The following MTUS2 variants were observed in gnomAD, a reference collection of about 807,000 sequenced individuals.
MTUS2 encodes the protein microtubule-associated tumor suppressor candidate 2.
Under a neutral mutation model 114.1 loss-of-function variants are expected in MTUS2, and 40 were observed. The observed-to-expected ratio is 0.35, with a 90% CI of 0.27 to 0.46. The LOEUF is 0.46. MTUS2 is among the 20% of genes least tolerant of loss of function. The probability of loss-of-function intolerance (pLI) is 1.00; values close to 1 mark genes in which losing one functional copy is unlikely to be tolerated. For missense variants in MTUS2, 1,679 were observed against 1,705.4 expected, an observed-to-expected ratio of 0.98 and a Z score of 0.27; for synonymous variants, 688 against 672.0, an observed-to-expected ratio of 1.02 and a Z score of -0.37.
At chr13:29,204,494 C>G (rs1450527644) in intron 5 of MTUS2, among the ~76,000 whole-genome samples, 8 of 152,218 alleles carry the variant, frequency 5.3e-5, no homozygotes, top group African/African-American at 1.9e-4. Flanking sequence ...GGGACCATCT[C>G]TCTCTGGATA....
intron 6 of MTUS2, chr13:29,306,700 A>G (rs1327932542): frequency 1.1e-5 from 3 of 264,996 alleles, no homozygotes; most frequent in East Asian, 9.5e-5. Flanking sequence ...TATCATGAAA[A>G]TGGTCGGCTC....
rs1317321912 is a variant in MTUS2 at position 29,501,151 on chromosome 13, G to A, written c.3853G>A (p.Glu1285Lys). 9 of 1,614,152 alleles carry A rather than the reference G, an allele frequency of 5.6e-6. No individual in the cohort carries two copies. Among genetic ancestry groups the A allele is most frequent in the Non-Finnish European group, 7.6e-6 (9 of 1,180,008 alleles). The change falls in exon 15 of 16, where the codon GAA becomes AAA. Residue 1285 changes from glutamate to lysine, a missense_variant. Coordinates refer to ENST00000612955, the MANE Select transcript of MTUS2 (RefSeq NM_001033602.4). The part of the protein sequence containing the change: ...EKIQVLQQQN[E>K]DLKARIDQNT... ...GATCCAGGTTCTCCAACAGCAGAAC[G>A]AAGACCTCAAAGCAAGGATTGACCA...
intron 5 of MTUS2, among the ~76,000 whole-genome samples, chr13:29,149,603 G>C (rs1242359746): frequency 6.6e-6 from 1 of 152,132 alleles, no homozygotes; most frequent in Admixed American, 6.6e-5. Flanking sequence ...CCATGCCTAT[G>C]TCCTGAATGG....
At chr13:28,936,591 A>C (rs1183195379) in intron 2 of MTUS2, among the ~76,000 whole-genome samples, 1 of 151,298 alleles carries the variant, frequency 6.6e-6, no homozygotes, top group African/African-American at 2.4e-5. Flanking sequence ...ACCTGCAGCT[A>C]CTCCTTCCTG....
chr13:28,911,904 C>A (rs1424796530), intron 2 of MTUS2, among the ~76,000 whole-genome samples: 5 of 141,028 alleles, frequency 3.5e-5, no homozygotes, highest in Admixed American at 7.5e-5. Context: ...GGGTAGTAGA[C>A]CTTTGCCAGA....
intron 5 of MTUS2, among the ~76,000 whole-genome samples, chr13:29,109,032 T>C (rs1023999966): frequency 6.6e-6 from 1 of 152,236 alleles, no homozygotes; most frequent in African/African-American, 2.4e-5. Flanking sequence ...TTGTGTATGT[T>C]TGAACATTTC....
intron 4 of MTUS2, among the ~76,000 whole-genome samples, chr13:29,038,781 CT>C (rs1387600777): frequency 6.6e-6 from 1 of 152,258 alleles, no homozygotes; most frequent in Admixed American, 6.5e-5. Flanking sequence ...GTTACAGCCA[CT>C]TTGGGGTGCT....
At chr13:29,219,896 G>T (rs1895836875) in intron 5 of MTUS2, among the ~76,000 whole-genome samples, 1 of 152,058 alleles carries the variant, frequency 6.6e-6, no homozygotes, top group Non-Finnish European at 1.5e-5. Flanking sequence ...TTAAGGGAAT[G>T]TTGTGGTTGG....
intron 5 of MTUS2, among the ~76,000 whole-genome samples, chr13:29,140,016 G>T (rs932961201): frequency 1.3e-5 from 2 of 152,164 alleles, no homozygotes; most frequent in Non-Finnish European, 2.9e-5. Context: ...AGTCGTGGTT[G>T]TCAGCGTTGA....
chr13:29,387,137 T>C (rs1389453678), intron 8 of MTUS2, among the ~76,000 whole-genome samples: 1 of 152,136 alleles, frequency 6.6e-6, no homozygotes, highest in Admixed American at 6.5e-5. Flanking sequence ...CTGAAAGATA[T>C]GCGTAAATTC....
chr13:29,352,668 C>G (rs80026000), intron 7 of MTUS2, among the ~76,000 whole-genome samples: 1 of 152,126 alleles, frequency 6.6e-6, no homozygotes, highest in Admixed American at 6.5e-5. Flanking sequence ...AATGTTCATC[C>G]ATGAATCAGT....
At chr13:28,964,918 G>C (rs1452861522) in intron 2 of MTUS2, among the ~76,000 whole-genome samples, 1 of 151,706 alleles carries the variant, frequency 6.6e-6, no homozygotes, top group South Asian at 2.1e-4. Flanking sequence ...ATGTATATCT[G>C]ATAGTCCCAT....
chr13:29,174,130 C>T (rs1893673679), intron 5 of MTUS2, among the ~76,000 whole-genome samples: 1 of 152,138 alleles, frequency 6.6e-6, no homozygotes, highest in Non-Finnish European at 1.5e-5. Flanking sequence ...TTAAATCAGC[C>T]TTTCTTTATT....
chr13:29,308,122 AG>A (rs1243239324), intron 6 of MTUS2, among the ~76,000 whole-genome samples: 1 of 152,236 alleles, frequency 6.6e-6, no homozygotes, highest in African/African-American at 2.4e-5. Flanking sequence ...AAAAGAACAA[AG>A]CTGTAGGCAT....
At chr13:29,444,707 G>A (rs1355466829) in intron 9 of MTUS2, among the ~76,000 whole-genome samples, 2 of 152,226 alleles carry the variant, frequency 1.3e-5, no homozygotes, top group Non-Finnish European at 2.9e-5. Flanking sequence ...AAGCCCAGGA[G>A]GGCAGGATCC....
At chr13:29,051,222 T>C (rs6490346) in intron 4 of MTUS2, among the ~76,000 whole-genome samples, 91,995 of 151,834 alleles carry the variant, frequency 0.61, 27,992 homozygotes, top group South Asian at 0.74. Context: ...ATTTTGGAGG[T>C]AGAGCCAATA....
At chr13:29,080,412 G>A (rs1209026385) in intron 4 of MTUS2, among the ~76,000 whole-genome samples, 1 of 152,170 alleles carries the variant, frequency 6.6e-6, no homozygotes, top group African/African-American at 2.4e-5. Context: ...TAATAGGATA[G>A]ATGGATATAT....
intron 5 of MTUS2, among the ~76,000 whole-genome samples, chr13:29,233,398 G>C (rs966518961): frequency 6.6e-6 from 1 of 152,152 alleles, no homozygotes; most frequent in Non-Finnish European, 1.5e-5. Flanking sequence ...GGACGAAGTA[G>C]GGAAGTGTAC....
In MTUS2 at chr13:29,026,824, T is replaced by C. The variant is rs1385864033; in HGVS notation, c.2126T>C (p.Phe709Ser). The change falls in exon 3 of 16, where the codon TTC (phenylalanine) becomes TCC (serine). Residue 709 changes from phenylalanine (F) to serine (S), a missense_variant. Physicochemically the swap from Phe to Ser is radical, Grantham distance 155. Transcript: ENST00000612955. ...CCAGACCTGCAGAAGCCAAGGGTCT[T>C]CAGTTCCGGATTGATGGTGTCTGGA... ...FKPDLQKPRV[F>S]SSGLMVSGIK... The C allele has an allele frequency of 6.2e-7, 1 of 1,611,118 alleles. No homozygotes were observed. The highest frequency in any genetic ancestry group is 1.7e-5 in the Admixed American group (1 of 60,036).
Sources: gnomAD v4.1 joint callset for allele counts (sites outside exome capture counted in the v4.1 genomes callset) on GRCh38, gnomAD v4.1.1 for gene constraint, MANE v1.5 for transcripts, NCBI Gene and HGNC (gene_info 2026-07-23, HGNC 2026-07-21) for gene names.